HDHD2: variants seen among roughly 807,000 people sequenced by gnomAD.
HDHD2 encodes the protein haloacid dehalogenase-like hydrolase domain-containing protein 2.
A neutral mutation model predicts 24.8 loss-of-function variants in HDHD2; 26 were observed. The observed-to-expected ratio is 1.05, with a 90% confidence interval of 0.77 to 1.45. HDHD2 has a LOEUF of 1.45. HDHD2 is among the 40% of genes most tolerant of loss of function. HDHD2 has a pLI of 0.00. For synonymous variants in HDHD2, 128 were observed against 114.9 expected (o/e 1.11, Z -0.73); for missense variants, 299 against 313.4 (o/e 0.95, Z 0.35).
chr18:47,126,986 C>T (rs1280304664), intron 4 of HDHD2, among the ~76,000 whole-genome samples: 1 of 152,038 alleles, frequency 6.6e-6, no homozygotes, highest in African/African-American at 2.4e-5. Flanking sequence ...ATGGTGAAAC[C>T]CCGTCTCTAC....
intron 3 of HDHD2, among the ~76,000 whole-genome samples, chr18:47,132,709 A>G (rs917057194): frequency 5.3e-5 from 8 of 152,210 alleles, no homozygotes; most frequent in Non-Finnish European, 1.0e-4. Flanking sequence ...TCCATTTTCT[A>G]TATTGTGCCA....
At chr18:47,141,421 T>A (rs1271571555) in intron 1 of HDHD2, among the ~76,000 whole-genome samples, 3 of 152,122 alleles carry the variant, frequency 2.0e-5, no homozygotes, top group Admixed American at 2.0e-4. Context: ...ACATTCAGTA[T>A]TTTTCCCTTT....
chr18:47,134,522 T>C lies in HDHD2; in HGVS notation c.284A>G (p.Asp95Gly). 6.2e-7 allele frequency: 1 copy of C among 1,614,142 alleles called. No homozygotes were observed. The highest frequency in any genetic ancestry group is 8.5e-7 in the Non-Finnish European group (1 of 1,179,992). Residue 95 changes from aspartate (D) to glycine (G), a missense_variant, in exon 3 of 7, where the codon GAT becomes GGT. Coordinates refer to ENST00000300605, the MANE Select transcript of HDHD2 (RefSeq NM_032124.5). ...TTTGAAATCAGGTAGTGCCCGATCA[T>C]CAACTAGCAGCATGGGTCTGACTTG... ...RKQVRPMLLV[D>G]DRALPDFKGI... is the part of the protein sequence containing the mutation.
intron 4 of HDHD2, 49 bp downstream of exon 4, chr18:47,130,195 G>A (rs2063699396): frequency 1.7e-6 from 2 of 1,162,598 alleles, no homozygotes; most frequent in Non-Finnish European, 2.5e-6. Context: ...AAAAGGAAAG[G>A]AAGAAGGGAA....
intron 1 of HDHD2, chr18:47,137,334 C>T (rs2063775780): frequency 2.6e-6 from 1 of 379,652 alleles, no homozygotes; most frequent in African/African-American, 2.1e-5. Context: ...CTCCAGAATT[C>T]TGTTCTTACA....
At chr18:47,129,956 T>A (rs2144337046) in intron 4 of HDHD2, among the ~76,000 whole-genome samples, 1 of 152,142 alleles carries the variant, frequency 6.6e-6, no homozygotes, top group African/African-American at 2.4e-5. Context: ...AGTCTGAGCC[T>A]GGGGAGATCG....
At chr18:47,135,215 T>C (rs1209907552) in intron 2 of HDHD2, among the ~76,000 whole-genome samples, 1 of 152,028 alleles carries the variant, frequency 6.6e-6, no homozygotes, top group South Asian at 2.1e-4. Context: ...GTCAATCTTT[T>C]GCCCTAATAC....
At chr18:47,141,556 T>C (rs1008919057) in intron 1 of HDHD2, among the ~76,000 whole-genome samples, 11 of 152,248 alleles carry the variant, frequency 7.2e-5, no homozygotes, top group African/African-American at 2.7e-4. Flanking sequence ...TTGTTCTCCA[T>C]TGATTTACTC....
intron 4 of HDHD2, among the ~76,000 whole-genome samples, chr18:47,116,423 A>G (rs1200962751): frequency 2.0e-5 from 3 of 152,216 alleles, no homozygotes; most frequent in Non-Finnish European, 1.5e-5. Context: ...TGAAACTGCT[A>G]AATTATTTTT....
chr18:47,144,425 G>A (rs2063848480), intron 1 of HDHD2, among the ~76,000 whole-genome samples: 1 of 152,170 alleles, frequency 6.6e-6, no homozygotes, highest in African/African-American at 2.4e-5. Context: ...ATGGCCCAAA[G>A]GGGTGGTAGG....
chr18:47,122,368 G>C (rs896956618), intron 4 of HDHD2, among the ~76,000 whole-genome samples: 4 of 152,066 alleles, frequency 2.6e-5, no homozygotes, highest in African/African-American at 7.2e-5. Flanking sequence ...GCCTGCTGTG[G>C]GGGCTGACCT....
chr18:47,117,000 G>A (rs906726517), intron 4 of HDHD2, among the ~76,000 whole-genome samples: 1 of 152,026 alleles, frequency 6.6e-6, no homozygotes, highest in Non-Finnish European at 1.5e-5. Context: ...AATGGGAACT[G>A]GTTCTACACT....
chr18:47,109,091 T>G, intron 6 of HDHD2: 1 of 298,422 alleles, frequency 3.4e-6, no homozygotes, highest in Non-Finnish European at 6.1e-6. Context: ...TTCTTTCCCC[T>G]ACCCTCAGCT....
At chr18:47,141,425 T>C (rs2063818598) in intron 1 of HDHD2, among the ~76,000 whole-genome samples, 1 of 152,222 alleles carries the variant, frequency 6.6e-6, no homozygotes, top group Non-Finnish European at 1.5e-5. Context: ...TCAGTATTTT[T>C]CCCTTTCACA....
At chr18:47,135,247 C>T (rs1250237638) in intron 2 of HDHD2, among the ~76,000 whole-genome samples, 2 of 149,824 alleles carry the variant, frequency 1.3e-5, no homozygotes, top group African/African-American at 4.9e-5. Context: ...ATATGAGTCA[C>T]TAGATTTTTT....
At chr18:47,133,293 G>A (rs964824452) in intron 3 of HDHD2, among the ~76,000 whole-genome samples, 2 of 151,898 alleles carry the variant, frequency 1.3e-5, no homozygotes, top group African/African-American at 4.8e-5. Flanking sequence ...GTGGTTTCCA[G>A]CTTCATCCAT....
At chr18:47,111,641 A>G (rs2063517210) in intron 6 of HDHD2, 1 of 985,240 alleles carries the variant, frequency 1.0e-6, no homozygotes, top group African/African-American at 1.7e-5. Context: ...CACTGTGTTA[A>G]TTCTAGAGTG....
rs534163731 is a variant in HDHD2, at chr18:47,135,760, C to T, written c.101+579G>A. 9.9e-5 allele frequency among the ~76,000 whole-genome samples: 15 copies of T among 152,062 alleles called. No individual in the cohort carries two copies. In the South Asian group the frequency reaches 2.3e-3, roughly 23 times the overall value. ...CACCCAGAAGCAAACATTCACATTC[C>T]GCTTACTTTAACATACTTTTACTAG... is the stretch of plus-strand genomic sequence containing the variant. On this transcript the variant is annotated intron_variant, in intron 2 of 6. Coordinates refer to ENST00000300605, the MANE Select transcript of HDHD2 (RefSeq NM_032124.5).
chr18:47,125,412 CACATGTCCCCCAAAAGACATAT>C lies in HDHD2; in HGVS notation c.395+4810_395+4831del, dbSNP rs202115340. Among the ~76,000 whole-genome samples, 96 of 152,256 alleles carry C rather than the reference CACATGTCCCCCAAAAGACATAT, an allele frequency of 6.3e-4. 1 individual carries two copies. In the East Asian group the frequency reaches 0.016, roughly 25 times the overall value. Reference sequence around the variant, plus strand: ...GATATGTACCCAAGAGAACTGAATGCACATGTCCCCCAAAAGACATATACAAGAATGTTCACAGCAGTTTTAT... The same window carrying C: ...GATATGTACCCAAGAGAACTGAATGCACAAGAATGTTCACAGCAGTTTTAT... On this transcript the variant is annotated intron_variant, in intron 4 of 6. Transcript: ENST00000300605.
Sources: gnomAD v4.1 joint callset for allele counts (sites outside exome capture counted in the v4.1 genomes callset) on GRCh38, gnomAD v4.1.1 for gene constraint, MANE v1.5 for transcripts, NCBI Gene and HGNC (gene_info 2026-07-23, HGNC 2026-07-21) for gene names.